The following DDHD1 variants were observed in gnomAD, a reference collection of about 807,000 sequenced individuals.
DDHD1 encodes the protein phospholipase DDHD1.
A neutral mutation model predicts 96.4 loss-of-function variants in DDHD1; 49 were observed. The ratio of observed to expected loss-of-function variants is 0.51; its 90% CI spans 0.40 to 0.64. The LOEUF (loss-of-function observed/expected upper bound fraction) is 0.64. DDHD1 is among the 30% of genes least tolerant of loss of function. The probability of loss-of-function intolerance (pLI) is 0.00; values close to 1 mark genes in which losing one functional copy is unlikely to be tolerated. For missense variants in DDHD1, 1,106 were observed against 1,161.2 expected, an observed-to-expected ratio of 0.95 and a Z score of 0.69; for synonymous variants, 442 against 446.5, an observed-to-expected ratio of 0.99 and a Z score of 0.13.
At position 53,040,938 on chromosome 14, in the gene DDHD1, T is replaced by C. The variant is rs961366406; in HGVS notation, c.*5830A>G. On this transcript the variant is annotated 3_prime_UTR_variant, in exon 13 of 13. Coordinates refer to ENST00000673822, the MANE Select transcript of DDHD1 (RefSeq NM_001160148.2). ...TGTCCCTATGAGCAAAAATTCTCCA[T>C]CTTCTTACTGGCAAAGTTGGGATTA... is the stretch of plus-strand genomic sequence containing the variant. The C allele has an allele frequency of 6.6e-6, 1 of 152,054 alleles. No individual in the cohort carries two copies. Among genetic ancestry groups the C allele is most frequent in the Non-Finnish European group, 1.5e-5 (1 of 68,028 alleles). The allele number at this position is 152,054 out of a possible 1,614,324, so 9.4% of individuals were successfully genotyped here. A position where few individuals can be genotyped will look rare whatever the true frequency, so the allele number is the denominator to read the frequency against.
In DDHD1 at chr14:53,072,701, T is replaced by C; in HGVS notation, c.1399A>G (p.Thr467Ala). The change falls in exon 6 of 13, where the codon ACT (threonine) becomes GCT (alanine). Residue 467 changes from threonine to alanine, a missense_variant and splice_region_variant. Thr to Ala is a moderately conservative substitution (Grantham distance 58, BLOSUM62 0). This residue lies in a region of DDHD1 where 650 missense variants were observed against 758.8 expected (regional missense o/e 0.86). Coordinates refer to ENST00000673822, the MANE Select transcript of DDHD1 (RefSeq NM_001160148.2). The stretch of plus-strand genomic sequence containing the variant: ...TTGTCAGGAGTAATGGAATCAACAG[T>C]GTCTACAAAAACAAACAAAAAAAGC... ...WRSKLTLDGD[T>A]VDSITPDKVR... The C allele has an allele frequency of 6.2e-7, 1 of 1,600,092 alleles. No homozygotes were observed.
Position 53,153,119 on chromosome 14 carries a change from T to A in DDHD1, c.-21A>T. 1 of 1,367,566 alleles carries A rather than the reference T, an allele frequency of 7.3e-7. No homozygotes were observed. Among genetic ancestry groups the A allele is most frequent in the South Asian group, 1.7e-5 (1 of 57,956 alleles). 84.7% of individuals were successfully genotyped at this position (1,367,566 alleles called of 1,614,324 possible). ...TTCATGCTGTGGAGACGCCGCCGGC[T>A]GTCCGGCGGCGCGCGGAGCCGTGAC... is the stretch of plus-strand genomic sequence containing the variant. On this transcript the variant is annotated 5_prime_UTR_variant, in exon 1 of 13. Coordinates refer to ENST00000673822, the MANE Select transcript of DDHD1 (RefSeq NM_001160148.2).
chr14:53,054,688 G>C, intron 10 of DDHD1, 59 bp from the exon 11 acceptor site: 2 of 1,540,288 alleles, frequency 1.3e-6, no homozygotes, highest in Non-Finnish European at 1.8e-6. Flanking sequence ...CTAAGCTAAA[G>C]AGCACCACCC....
chr14:53,117,824 A>G (rs1888667687), intron 1 of DDHD1, among the ~76,000 whole-genome samples: 2 of 152,172 alleles, frequency 1.3e-5, no homozygotes, highest in Admixed American at 1.3e-4. Context: ...AGGGCATTCG[A>G]ACTCTGAGAA....
intron 4 of DDHD1, among the ~76,000 whole-genome samples, chr14:53,079,590 G>C (rs909779345): frequency 2.6e-5 from 4 of 152,180 alleles, no homozygotes; most frequent in African/African-American, 4.8e-5. Context: ...TTTTATTTCT[G>C]TAAGTTTGCT....
intron 1 of DDHD1, among the ~76,000 whole-genome samples, chr14:53,126,296 T>A (rs1055383422): frequency 1.3e-5 from 2 of 152,164 alleles, no homozygotes; most frequent in Non-Finnish European, 2.9e-5. Context: ...ATTGAAAGGG[T>A]GAAATAGAAG....
intron 1 of DDHD1, among the ~76,000 whole-genome samples, chr14:53,133,895 C>T (rs1890048878): frequency 6.6e-6 from 1 of 152,304 alleles, no homozygotes; most frequent in Non-Finnish European, 1.5e-5. Context: ...CCAGACCCTA[C>T]TTAGTCATCT....
At chr14:53,062,460 A>G (rs1883667975) in intron 7 of DDHD1, among the ~76,000 whole-genome samples, 1 of 152,068 alleles carries the variant, frequency 6.6e-6, no homozygotes, top group African/African-American at 2.4e-5. Flanking sequence ...AAATGATTAA[A>G]TAATAAAATC....
chr14:53,054,335 A>C, intron 11 of DDHD1, 103 bp downstream of exon 11: 2 of 982,934 alleles, frequency 2.0e-6, no homozygotes, highest in South Asian at 4.7e-5. Flanking sequence ...CACACTTTAG[A>C]TCTTAGAGTT....
intron 1 of DDHD1, among the ~76,000 whole-genome samples, chr14:53,126,266 T>C (rs1052061765): frequency 1.3e-5 from 2 of 152,228 alleles, no homozygotes; most frequent in African/African-American, 4.8e-5. Context: ...TGATTCATTA[T>C]GATACACAAA....
At chr14:53,146,028 G>C (rs1244923941) in intron 1 of DDHD1, among the ~76,000 whole-genome samples, 1 of 152,024 alleles carries the variant, frequency 6.6e-6, no homozygotes, top group Non-Finnish European at 1.5e-5. Context: ...CCAACATAGT[G>C]AAACCCTGTC....
chr14:53,098,712 G>A (rs1887073817), intron 2 of DDHD1, among the ~76,000 whole-genome samples: 1 of 152,074 alleles, frequency 6.6e-6, no homozygotes, highest in Non-Finnish European at 1.5e-5. Context: ...GCTTTGAAAT[G>A]CTATGTTCAC....
intron 8 of DDHD1, 104 bp downstream of exon 8, chr14:53,061,022 T>C: frequency 9.6e-7 from 1 of 1,045,008 alleles, no homozygotes; most frequent in South Asian, 1.5e-5. Context: ...AATATTTATT[T>C]TGAAAGAACA....
intron 1 of DDHD1, among the ~76,000 whole-genome samples, chr14:53,126,449 C>A (rs1032393808): frequency 6.6e-6 from 1 of 152,190 alleles, no homozygotes; most frequent in Non-Finnish European, 1.5e-5. Context: ...GTCACTGCAG[C>A]CTCGACTTCC....
chr14:53,128,568 T>C lies in DDHD1; in HGVS notation c.838+23693A>G, dbSNP rs548372496. Among the ~76,000 whole-genome samples, 3 of 152,308 alleles carry C rather than the reference T, an allele frequency of 2.0e-5. No individual in the cohort carries two copies. In the South Asian group the frequency reaches 6.2e-4, roughly 32 times the overall value. ...ATACCATCACCTAGAGGTTTAGTAT[T>C]TCAACATACAAATTTTGGGGAGATA... On this transcript the variant is annotated intron_variant, in intron 1 of 12. Coordinates refer to ENST00000673822, the MANE Select transcript of DDHD1 (RefSeq NM_001160148.2).
At chr14:53,124,783 T>C (rs1176734916) in intron 1 of DDHD1, among the ~76,000 whole-genome samples, 1 of 152,222 alleles carries the variant, frequency 6.6e-6, no homozygotes, top group Non-Finnish European at 1.5e-5. Context: ...CTGTATTAGT[T>C]AGCTAGGGCT....
intron 1 of DDHD1, among the ~76,000 whole-genome samples, chr14:53,109,539 C>T (rs1887952727): frequency 1.3e-5 from 2 of 152,072 alleles, no homozygotes; most frequent in South Asian, 2.1e-4. Flanking sequence ...ATCTGTCTTG[C>T]GGTAGTGCTG....
intron 9 of DDHD1, 43 bp from the exon 10 acceptor site, chr14:53,055,955 C>T: frequency 6.5e-7 from 1 of 1,544,536 alleles, no homozygotes; most frequent in South Asian, 1.2e-5. Flanking sequence ...AGTGTTAAAT[C>T]ACAATGCTTG....
chr14:53,085,735 C>G (rs1482540448), intron 4 of DDHD1, among the ~76,000 whole-genome samples: 1 of 152,176 alleles, frequency 6.6e-6, no homozygotes, highest in Non-Finnish European at 1.5e-5. Flanking sequence ...CCCAGAGCAC[C>G]TCGTCTCCTC....
Sources: gnomAD v4.1 joint callset for allele counts (sites outside exome capture counted in the v4.1 genomes callset) on GRCh38, gnomAD v4.1.1 for gene constraint, gnomAD v4.1.1 regional missense constraint, MANE v1.5 for transcripts, NCBI Gene and HGNC (gene_info 2026-07-23, HGNC 2026-07-21) for gene names.